ENDOD1: variants seen among roughly 807,000 people sequenced by gnomAD.
ENDOD1 encodes the protein endonuclease domain-containing 1 protein.
Under a neutral mutation model 6.5 loss-of-function variants are expected in ENDOD1, and 9 were observed. That is an observed-to-expected ratio of 1.39 (90% CI 0.84 to 2.43). The LOEUF is 2.43. Ranked by LOEUF, ENDOD1 falls within the 30% of genes most tolerant of loss-of-function variation. The probability of loss-of-function intolerance (pLI) is 0.00; values close to 1 mark genes in which losing one functional copy is unlikely to be tolerated. For synonymous variants in ENDOD1, 255 were observed against 255.2 expected, an observed-to-expected ratio of 1.00 and a Z score of 0.01; for missense variants, 648 against 635.5, an observed-to-expected ratio of 1.02 and a Z score of -0.21.
intron 1 of ENDOD1, among the ~76,000 whole-genome samples, chr11:95,091,960 G>T (rs1311286528): frequency 6.6e-6 from 1 of 152,168 alleles, no homozygotes; most frequent in Non-Finnish European, 1.5e-5. Flanking sequence ...AAGTTCTCAG[G>T]TGTGTGACAC....
intron 1 of ENDOD1, among the ~76,000 whole-genome samples, chr11:95,099,205 G>A (rs1332870175): frequency 6.6e-6 from 1 of 152,192 alleles, no homozygotes; most frequent in Non-Finnish European, 1.5e-5. Flanking sequence ...AAGGCACCAG[G>A]TTAGAGCTGG....
intron 1 of ENDOD1, among the ~76,000 whole-genome samples, chr11:95,106,705 G>A (rs911001861): frequency 6.6e-6 from 1 of 152,132 alleles, no homozygotes; most frequent in Non-Finnish European, 1.5e-5. Context: ...CATTATGACA[G>A]CTCTTGCGAT....
rs1455637938 is a variant in ENDOD1 at position 95,131,957 on chromosome 11, C to T, written c.*2378C>T. 6.9e-6 allele frequency: 1 copy of T among 144,894 alleles called. No homozygotes were observed. Among genetic ancestry groups the T allele is most frequent in the African/African-American group, 2.7e-5 (1 of 37,444 alleles). The allele number at this position is 144,894 out of a possible 1,614,324, so 9.0% of individuals were successfully genotyped here. ...GGATAGGTGGCTGAGACCCACTGCC[C>T]TGAGCTACTAGTGTGGCTGTGCCTG... On this transcript the variant is annotated 3_prime_UTR_variant, in exon 2 of 2. Coordinates refer to ENST00000278505, the MANE Select transcript of ENDOD1 (RefSeq NM_015036.3).
intron 1 of ENDOD1, among the ~76,000 whole-genome samples, chr11:95,122,781 T>C (rs1291441937): frequency 6.6e-6 from 1 of 152,198 alleles, no homozygotes; most frequent in Non-Finnish European, 1.5e-5. Context: ...ACATGAGTCA[T>C]CTTGGGATCA....
In ENDOD1 at chr11:95,130,690, A is replaced by G. The variant is rs1859362748; in HGVS notation, c.*1111A>G. ...GCCATCTCTGAAAAAAATATATAAA[A>G]TATTTAAGAATAATTATATCTTAGG... On this transcript the variant is annotated 3_prime_UTR_variant, in exon 2 of 2. Coordinates refer to ENST00000278505, the MANE Select transcript of ENDOD1 (RefSeq NM_015036.3). 6.6e-6 allele frequency: 1 copy of G among 152,168 alleles called. No homozygotes were observed. The highest frequency in any genetic ancestry group is 1.5e-5 in the Non-Finnish European group (1 of 68,036). 9.4% of individuals were successfully genotyped at this position (152,168 alleles called of 1,614,324 possible).
At chr11:95,105,511 G>T (rs1859081089) in intron 1 of ENDOD1, among the ~76,000 whole-genome samples, 1 of 152,070 alleles carries the variant, frequency 6.6e-6, no homozygotes. Context: ...GGTTTGCGGT[G>T]CCTAACAGCC....
At chr11:95,126,856 A>T (rs1044219899) in intron 1 of ENDOD1, among the ~76,000 whole-genome samples, 6 of 149,330 alleles carry the variant, frequency 4.0e-5, no homozygotes, top group African/African-American at 1.5e-4. Flanking sequence ...AATTTTTTGA[A>T]TTTTTTTTTT....
chr11:95,109,970 T>G (rs552454303), intron 1 of ENDOD1, among the ~76,000 whole-genome samples: 18 of 152,372 alleles, frequency 1.2e-4, no homozygotes, highest in Non-Finnish European at 5.9e-5. Flanking sequence ...TTCTTGTCTC[T>G]GGACTGCAGA....
intron 1 of ENDOD1, among the ~76,000 whole-genome samples, chr11:95,118,532 G>T (rs1361049497): frequency 6.6e-6 from 1 of 152,176 alleles, no homozygotes; most frequent in African/African-American, 2.4e-5. Flanking sequence ...CTGCTGACAG[G>T]CATATTGGAG....
Position 95,129,089 on chromosome 11 carries a change from C to T in ENDOD1, c.1013C>T (p.Pro338Leu). Reference protein sequence around the residue: ...LGKLMGFIATPFIKLFQLIYY... With the variant: ...LGKLMGFIATLFIKLFQLIYY... ...AAACTCATGGGCTTCATTGCTACCC[C>T]ATTCATCAAGCTTTTTCAATTAATT... is the stretch of plus-strand genomic sequence containing the variant. Residue 338 changes from proline (P) to leucine (L), a missense_variant, in exon 2 of 2, where the codon CCA (proline) becomes CTA (leucine). Pro to Leu is a moderately conservative substitution (Grantham distance 98). Transcript: ENST00000278505. The T allele has an allele frequency of 1.2e-6, 2 of 1,614,100 alleles. No homozygotes were observed. Among genetic ancestry groups the T allele is most frequent in the Non-Finnish European group, 1.7e-6 (2 of 1,180,024 alleles).
chr11:95,111,939 C>T (rs11821138), intron 1 of ENDOD1, among the ~76,000 whole-genome samples: 1 of 152,146 alleles, frequency 6.6e-6, no homozygotes, highest in African/African-American at 2.4e-5. Context: ...CTCTCAAGGC[C>T]GAGGTCCTCT....
At chr11:95,108,494 AACACACAC>A (rs34439162) in intron 1 of ENDOD1, among the ~76,000 whole-genome samples, 15 of 146,504 alleles carry the variant, frequency 1.0e-4, no homozygotes, top group African/African-American at 2.0e-4. Flanking sequence ...CTCTTTTCTA[AACACACAC>A]ACACACACAC....
intron 1 of ENDOD1, among the ~76,000 whole-genome samples, chr11:95,114,284 T>C (rs1357347688): frequency 6.8e-6 from 1 of 147,604 alleles, no homozygotes; most frequent in East Asian, 1.9e-4. Flanking sequence ...GCCTAGCTAA[T>C]TTTTTGTAGA....
Position 95,129,903 on chromosome 11 carries a change from G to T in ENDOD1, c.*324G>T. 1 of 199,816 alleles carries T rather than the reference G, an allele frequency of 5.0e-6. No individual in the cohort carries two copies. The highest frequency in any genetic ancestry group is 1.2e-4 in the South Asian group (1 of 8,156). 12.4% of individuals were successfully genotyped at this position (199,816 alleles called of 1,614,324 possible). A position where few individuals can be genotyped will look rare whatever the true frequency, so the allele number is the denominator to read the frequency against. On this transcript the variant is annotated 3_prime_UTR_variant, in exon 2 of 2. Transcript: ENST00000278505. ...ATTTCTGATAATTAAAAATTACAGG[G>T]GAGGGAAGAACTAGAAAAAGAACAA...
intron 1 of ENDOD1, among the ~76,000 whole-genome samples, chr11:95,101,475 T>C (rs1859040232): frequency 6.6e-6 from 1 of 152,230 alleles, no homozygotes; most frequent in Non-Finnish European, 1.5e-5. Flanking sequence ...TTTCAACTAA[T>C]CTTTTTATTG....
intron 1 of ENDOD1, among the ~76,000 whole-genome samples, chr11:95,123,730 A>G (rs1469886252): frequency 6.6e-6 from 1 of 152,216 alleles, no homozygotes; most frequent in Non-Finnish European, 1.5e-5. Context: ...TCAACTGAGC[A>G]GATGTGGAAT....
chr11:95,129,209 G>C lies in ENDOD1; in HGVS notation c.1133G>C (p.Arg378Pro). Residue 378 changes from arginine to proline, a missense_variant, in exon 2 of 2, where the codon CGC (arginine) becomes CCC (proline). Transcript: ENST00000278505. ...AATGGCATAGAAAGTTGCCTTTACCGCCTGGGCTCAGCCACCATCTCATAC... is the reference window on the plus strand; with the variant it reads ...AATGGCATAGAAAGTTGCCTTTACCCCCTGGGCTCAGCCACCATCTCATAC... ...VINGIESCLY[R>P]LGSATISYFM... The C allele has an allele frequency of 6.2e-7, 1 of 1,614,116 alleles. No homozygotes were observed. The highest frequency in any genetic ancestry group is 2.2e-5 in the East Asian group (1 of 44,872).
intron 1 of ENDOD1, among the ~76,000 whole-genome samples, chr11:95,100,865 G>GTTTTTTTTTTTTTTTTTT (rs34680715): frequency 1.4e-5 from 1 of 72,282 alleles, no homozygotes; most frequent in Non-Finnish European, 2.4e-5. Flanking sequence ...CCTGCTGGGT[G>GTTTTTTTTTTTTTTTTTT]TTTTTTTTTT....
At chr11:95,100,874 T>TTG (rs2134163560) in intron 1 of ENDOD1, among the ~76,000 whole-genome samples, 1 of 147,076 alleles carries the variant, frequency 6.8e-6, no homozygotes, top group East Asian at 2.0e-4. Flanking sequence ...TGTTTTTTTT[T>TTG]TTTTTTTTTT....
Sources: allele counts gnomAD v4.1 joint callset (sites outside exome capture counted in the v4.1 genomes callset), GRCh38; gene constraint gnomAD v4.1.1; transcripts MANE v1.5; gene names NCBI Gene and HGNC (gene_info 2026-07-23, HGNC 2026-07-21).